The following GSDME variants were observed in gnomAD, a reference collection of about 807,000 sequenced individuals.
The protein encoded by GSDME is gasdermin E.
A neutral mutation model predicts 47.5 loss-of-function variants in GSDME; 44 were observed. The ratio of observed to expected loss-of-function variants is 0.93; its 90% confidence interval spans 0.73 to 1.19. The LOEUF (loss-of-function observed/expected upper bound fraction) is 1.19, where lower values mean the gene tolerates loss of function less well. Ranked by LOEUF, GSDME falls within the 50% of genes most tolerant of loss-of-function variation. GSDME has a pLI of 0.00. For synonymous variants in GSDME, 258 were observed against 252.8 expected (o/e 1.02, Z -0.20); for missense variants, 663 against 604.2 (o/e 1.10, Z -1.02).
the GSDME span, among the ~76,000 whole-genome samples, chr7:24,765,819 T>C: frequency 6.6e-6 from 1 of 152,354 alleles, no homozygotes; most frequent in Non-Finnish European, 1.5e-5. Context: ...TTTATATACA[T>C]CATTTCATTG....
chr7:24,702,840 G>A lies in GSDME; in HGVS notation c.1184-7C>T, dbSNP rs1206940494. The A allele has an allele frequency of 1.9e-6, 3 of 1,612,016 alleles. No homozygotes were observed. The highest frequency in any genetic ancestry group is 2.5e-6 in the Non-Finnish European group (3 of 1,178,812). ...GCTGCGCTATCTGGCATTTCTGCAGGAGAGAAAAATCACAGTCACAGTCCA... is the reference window on the plus strand; with the variant it reads ...GCTGCGCTATCTGGCATTTCTGCAGAAGAGAAAAATCACAGTCACAGTCCA... On this transcript the variant is annotated splice_polypyrimidine_tract_variant and splice_region_variant and intron_variant, in intron 8 of 9. Transcript: ENST00000645220.
chr7:24,710,216 G>GGCAATACCTTGCTT lies in GSDME; in HGVS notation c.856_862+7dup. 6.2e-7 allele frequency: 1 copy of GGCAATACCTTGCTT among 1,613,228 alleles called. No homozygotes were observed. The highest frequency in any genetic ancestry group is 8.5e-7 in the Non-Finnish European group (1 of 1,179,980). On this transcript the variant is annotated splice_region_variant and intron_variant, in intron 6 of 9. Coordinates refer to ENST00000645220, the MANE Select transcript of GSDME (RefSeq NM_001127453.2). ...AACTGCCCACTACTCCTGCCCTGCT[G>GGCAATACCTTGCTT]GCAATACCTTGCTTTAAAACACTTA... is the stretch of plus-strand genomic sequence containing the variant.
At chr7:24,762,584 G>C (rs1277450512), upstream of GSDME, among the ~76,000 whole-genome samples, 2 of 152,012 alleles carry the variant, frequency 1.3e-5, no homozygotes, top group Non-Finnish European at 2.9e-5. Flanking sequence ...CTAGGTGCTG[G>C]GTGCCATATT....
Position 24,698,919 on chromosome 7 carries a change from G to T in GSDME, c.*107C>A. 1.2e-6 allele frequency: 1 copy of T among 839,286 alleles called. No individual in the cohort carries two copies. The highest frequency in any genetic ancestry group is 2.0e-6 in the Non-Finnish European group (1 of 499,524). The allele number at this position is 839,286 out of a possible 1,614,324, so 52.0% of individuals were successfully genotyped here. A position where few individuals can be genotyped will look rare whatever the true frequency, so the allele number is the denominator to read the frequency against. On this transcript the variant is annotated 3_prime_UTR_variant, in exon 10 of 10. Coordinates refer to ENST00000645220, the MANE Select transcript of GSDME (RefSeq NM_001127453.2). ...GCAAAATGTCACCACTTCTTAAACT[G>T]TTCTGTAAATTCATTTCATTGGTCA...
At chr7:24,709,031 A>G (rs1789240910) in intron 6 of GSDME, among the ~76,000 whole-genome samples, 1 of 152,216 alleles carries the variant, frequency 6.6e-6, no homozygotes, top group Non-Finnish European at 1.5e-5. Context: ...ACATCAATGT[A>G]CCACCCATGA....
intron 3 of GSDME, among the ~76,000 whole-genome samples, chr7:24,723,374 A>C (rs1263532136): frequency 6.6e-6 from 1 of 152,162 alleles, no homozygotes; most frequent in Non-Finnish European, 1.5e-5. Context: ...GACCCAGAAC[A>C]GTTCAAGGTC....
chr7:24,734,963 G>A (rs1349143412), intron 3 of GSDME, among the ~76,000 whole-genome samples: 1 of 152,108 alleles, frequency 6.6e-6, no homozygotes, highest in Non-Finnish European at 1.5e-5. Flanking sequence ...AGAACACCAG[G>A]CAGATTTAAC....
intron 3 of GSDME, among the ~76,000 whole-genome samples, chr7:24,741,158 C>T (rs3779463): frequency 0.099 from 15,097 of 152,148 alleles, 822 homozygotes; most frequent in Admixed American, 0.12. Flanking sequence ...CAGGAATAAA[C>T]TTACCAGACC....
At chr7:24,722,363 A>T (rs1789821872) in intron 3 of GSDME, among the ~76,000 whole-genome samples, 1 of 152,196 alleles carries the variant, frequency 6.6e-6, no homozygotes, top group Non-Finnish European at 1.5e-5. Flanking sequence ...TTCCTAAGGG[A>T]TTGCATGTCT....
chr7:24,774,421 CTT>C, the GSDME span, among the ~76,000 whole-genome samples: 1 of 151,246 alleles, frequency 6.6e-6, no homozygotes, highest in Non-Finnish European at 1.5e-5. Flanking sequence ...ATACTTCATG[CTT>C]TTCCCACAAC....
rs1487301969 is a variant in GSDME, at chr7:24,724,457, G to A, written c.405-5239C>T. On this transcript the variant is annotated intron_variant, in intron 3 of 9. Transcript: ENST00000645220. This position sits in a 1 kb window ranked among gnomAD's most constrained non-coding sequence, Gnocchi z 4.8. ...CTTCATCCGCTTCACACATCTAAGG[G>A]CAGGCTCCTTGTTCTTCCTGGCGGG... Among the ~76,000 whole-genome samples, 3 of 152,198 alleles carry A rather than the reference G, an allele frequency of 2.0e-5. No homozygotes were observed. Among genetic ancestry groups the A allele is most frequent in the African/African-American group, 7.2e-5 (3 of 41,454 alleles).
chr7:24,699,428 C>T (rs1038295652), intron 9 of GSDME, among the ~76,000 whole-genome samples, 169 bp from the exon 10 acceptor site: 1 of 152,124 alleles, frequency 6.6e-6, no homozygotes, highest in Non-Finnish European at 1.5e-5. Flanking sequence ...CTGCAACCTC[C>T]AGCTCCCAGG....
chr7:24,776,264 G>C, the GSDME span, among the ~76,000 whole-genome samples: 1 of 152,030 alleles, frequency 6.6e-6, no homozygotes. Context: ...CACAGTGGAC[G>C]TGGTGGCGGT....
intron 3 of GSDME, among the ~76,000 whole-genome samples, chr7:24,743,651 G>A (rs1379814664): frequency 1.3e-5 from 2 of 151,888 alleles, no homozygotes; most frequent in African/African-American, 2.4e-5. Flanking sequence ...CAGCCCCTCC[G>A]ACTCTCCTTT....
At position 24,733,635 on chromosome 7, in the gene GSDME, C is replaced by T. The variant is rs894173641; in HGVS notation, c.404+10927G>A. Among the ~76,000 whole-genome samples, 2 of 152,104 alleles carry T rather than the reference C, an allele frequency of 1.3e-5. No homozygotes were observed. The highest frequency in any genetic ancestry group is 2.9e-5 in the Non-Finnish European group (2 of 68,010). On this transcript the variant is annotated intron_variant, in intron 3 of 9. Transcript: ENST00000645220. This position sits in a 1 kb window ranked among gnomAD's most constrained non-coding sequence, Gnocchi z 4.3. ...GGCCTTAAGTGAATATGGGTGGTGG[C>T]CTGGCAGTGCTCCTTGTGGGCCTGT...
the GSDME span, among the ~76,000 whole-genome samples, chr7:24,773,871 T>G: frequency 6.6e-6 from 1 of 152,266 alleles, no homozygotes; most frequent in Non-Finnish European, 1.5e-5. This position sits in a 1 kb window ranked among gnomAD's most constrained non-coding sequence, Gnocchi z 5.4. Context: ...CAACCACATC[T>G]TTCCTAGTTC....
chr7:24,785,292 G>C, the GSDME span, among the ~76,000 whole-genome samples: 16,948 of 152,132 alleles, frequency 0.11, 1,138 homozygotes, highest in East Asian at 0.2. Flanking sequence ...TTTGGATATA[G>C]CACTGTACCT....
At chr7:24,748,669 ACTC>A (rs1416983747) in intron 2 of GSDME, among the ~76,000 whole-genome samples, 1 of 151,646 alleles carries the variant, frequency 6.6e-6, no homozygotes, top group Admixed American at 6.6e-5. Flanking sequence ...CTGAGACCCC[ACTC>A]CTCCTTCTCT....
chr7:24,704,658 C>G (rs1245850046), intron 8 of GSDME: 1 of 152,046 alleles, frequency 6.6e-6, no homozygotes, highest in Non-Finnish European at 1.5e-5. Flanking sequence ...AATTCAGAAA[C>G]AGCAAGTCAG....
Sources: allele counts gnomAD v4.1 joint callset (sites outside exome capture counted in the v4.1 genomes callset), GRCh38; gene constraint gnomAD v4.1.1; non-coding constraint Gnocchi (gnomAD v3.1); transcripts MANE v1.5; gene names NCBI Gene and HGNC (gene_info 2026-07-23, HGNC 2026-07-21).